SSU72: variants seen among roughly 807,000 people sequenced by gnomAD.
The protein encoded by SSU72 is SSU72 homolog, RNA polymerase II CTD phosphatase, also known as RNA polymerase II subunit A C-terminal domain phosphatase SSU72.
In SSU72, 12 loss-of-function variants were observed where a neutral mutation model predicts 22.7. The ratio of observed to expected loss-of-function variants is 0.53; its 90% CI spans 0.34 to 0.86. SSU72 has a LOEUF of 0.86. Among genes scored for constraint, SSU72 ranks in the 40% least tolerant of loss-of-function variants. The pLI is 0.02. For synonymous variants in SSU72, 116 were observed against 98.3 expected, an observed-to-expected ratio of 1.18 and a Z score of -1.06; for missense variants, 151 against 249.8, an observed-to-expected ratio of 0.60 and a Z score of 2.67.
chr1:1,543,173 G>A (rs531200078), intron 4 of SSU72, among the ~76,000 whole-genome samples: 2 of 152,308 alleles, frequency 1.3e-5, no homozygotes, highest in South Asian at 2.1e-4. Context: ...GGGGTGCCCC[G>A]GCCCCTCTGT....
At chr1:1,546,454 TG>T (rs1319286058) in intron 2 of SSU72, 1 of 152,158 alleles carries the variant, frequency 6.6e-6, no homozygotes, top group East Asian at 1.9e-4. Context: ...GGTCCATCTC[TG>T]GGGAACTTAG....
intron 2 of SSU72, chr1:1,563,729 G>C (rs1436973094): frequency 6.6e-6 from 1 of 152,224 alleles, no homozygotes; most frequent in Non-Finnish European, 1.5e-5. Flanking sequence ...GCGCGTGCCT[G>C]TAATCCCAGC....
At chr1:1,569,235 C>A (rs552954296) in intron 1 of SSU72, among the ~76,000 whole-genome samples, 1 of 151,882 alleles carries the variant, frequency 6.6e-6, no homozygotes, top group Admixed American at 6.6e-5. Context: ...AACAAACAAA[C>A]AAAAAACCTA....
At chr1:1,552,152 C>T (rs116149331) in intron 2 of SSU72, among the ~76,000 whole-genome samples, 2,080 of 149,120 alleles carry the variant, frequency 0.014, 29 homozygotes, top group Non-Finnish European at 0.022. Context: ...ACGCTGGCCG[C>T]GTGGACGCAG....
intron 1 of SSU72, among the ~76,000 whole-genome samples, chr1:1,565,687 C>G (rs12730242): frequency 0.039 from 1,947 of 50,054 alleles, 2 homozygotes; most frequent in African/African-American, 0.19. Flanking sequence ...CTCAGGGTTG[C>G]TGCAGGCAGA....
At position 1,541,821 on chromosome 1, in the gene SSU72, T is replaced by C; in HGVS notation, c.*245A>G. The C allele has an allele frequency of 4.0e-6, 2 of 501,500 alleles. No homozygotes were observed. The highest frequency in any genetic ancestry group is 7.2e-6 in the Non-Finnish European group (2 of 276,314). 31.1% of individuals were successfully genotyped at this position (501,500 alleles called of 1,614,324 possible). A position where few individuals can be genotyped will look rare whatever the true frequency, so the allele number is the denominator to read the frequency against. The stretch of plus-strand genomic sequence containing the variant: ...CGGGAAGTGCACACAAACCGTTGTC[T>C]TTCCTTTTTGGTTAAAGAAGAAAAA... On this transcript the variant is annotated 3_prime_UTR_variant, in exon 5 of 5. Transcript: ENST00000291386.
Position 1,543,973 on chromosome 1 carries a change from C to G in SSU72, c.379G>C (p.Glu127Gln). ...TGCACAGGCTGGCAGGTCTCCTGTTCTCTGGAATTCAGATCTGATTGGGAC... is the reference window on the plus strand; with the variant it reads ...TGCACAGGCTGGCAGGTCTCCTGTTGTCTGGAATTCAGATCTGATTGGGAC... ...DQVVEDLNSR[E>Q]QETCQPVHVV... Residue 127 changes from glutamate (E) to glutamine (Q), a missense_variant, in exon 4 of 5, where the codon GAA (glutamate) becomes CAA (glutamine). Transcript: ENST00000291386. The G allele has an allele frequency of 6.2e-7, 1 of 1,613,570 alleles. No homozygotes were observed. Among genetic ancestry groups the G allele is most frequent in the Non-Finnish European group, 8.5e-7 (1 of 1,179,764 alleles).
At chr1:1,545,559 C>T (rs1642379717) in intron 2 of SSU72, 1 of 153,096 alleles carries the variant, frequency 6.5e-6, no homozygotes, top group African/African-American at 2.4e-5. Flanking sequence ...CCTGTAATCC[C>T]AGCACTTTCG....
chr1:1,549,039 G>A (rs1306897075), intron 2 of SSU72, among the ~76,000 whole-genome samples: 3 of 152,234 alleles, frequency 2.0e-5, no homozygotes, highest in South Asian at 2.1e-4. Flanking sequence ...TCGGGAGGCC[G>A]AGGCAGGAGG....
rs886132556 is a variant in SSU72 at position 1,555,419 on chromosome 1, A to G, written c.224+9354T>C. Among the ~76,000 whole-genome samples, 4 of 152,342 alleles carry G rather than the reference A, an allele frequency of 2.6e-5. No individual in the cohort carries two copies. The East Asian group carries it at 7.7e-4, about 29-fold the overall frequency. On this transcript the variant is annotated intron_variant, in intron 2 of 4. Transcript: ENST00000291386. ...TGACCCAGATGCCAACAGCCTGGGC[A>G]GTGGCACCTCGGCCAAGAAAGGAGG...
At chr1:1,545,172 C>T (rs1320896978) in intron 2 of SSU72, 170 bp from the exon 3 acceptor site, 2 of 711,598 alleles carry the variant, frequency 2.8e-6, no homozygotes, top group Non-Finnish European at 4.7e-6. Context: ...GCCTCACTGT[C>T]CTAGGAGGTC....
At chr1:1,546,857 CAACAAA>C (rs1412707598) in intron 2 of SSU72, among the ~76,000 whole-genome samples, 21 of 66,710 alleles carry the variant, frequency 3.1e-4, no homozygotes, top group East Asian at 1.8e-3. Context: ...ACAACAACAA[CAACAAA>C]AAAAAAAAAA....
chr1:1,571,554 C>T (rs1429836190), intron 1 of SSU72, among the ~76,000 whole-genome samples: 6 of 151,978 alleles, frequency 3.9e-5, no homozygotes, highest in Non-Finnish European at 8.8e-5. Flanking sequence ...TCTTCTGAGT[C>T]TACTCTTTTA....
chr1:1,543,806 C>T (rs145399149), intron 4 of SSU72, 63 bp downstream of exon 4: 10 of 1,345,776 alleles, frequency 7.4e-6, no homozygotes, highest in South Asian at 2.5e-5. Flanking sequence ...CCCTCTGTCA[C>T]GGCCTCGGTC....
chr1:1,550,007 T>C (rs937212429), intron 2 of SSU72, among the ~76,000 whole-genome samples: 9 of 149,054 alleles, frequency 6.0e-5, no homozygotes. Context: ...AAACCCCGTC[T>C]TCTCTACTAA....
In SSU72 at chr1:1,571,126, T is replaced by C. The variant is rs1455785440; in HGVS notation, c.80+3352A>G. Among the ~76,000 whole-genome samples, 3 of 151,656 alleles carry C rather than the reference T, an allele frequency of 2.0e-5. No homozygotes were observed. In the East Asian group the frequency reaches 5.8e-4, roughly 29 times the overall value. On this transcript the variant is annotated intron_variant, in intron 1 of 4. Transcript: ENST00000291386. ...CGGGCGTGGTAGCGGGTGCCTGTAG[T>C]CCCAGTTACTCAGGAGGCTGAGGCA...
At chr1:1,551,773 C>G (rs1642459073) in intron 2 of SSU72, among the ~76,000 whole-genome samples, 1 of 152,256 alleles carries the variant, frequency 6.6e-6, no homozygotes. Flanking sequence ...CATCCTTACG[C>G]CAACGTCACA....
chr1:1,554,351 G>A lies in SSU72; in HGVS notation c.225-9349C>T, dbSNP rs1642494024. ...GCATGAGGCGGATCCGGACCACTCG[G>A]GGGTCCCCACGAAGCTGAGCATGAG... On this transcript the variant is annotated intron_variant, in intron 2 of 4. Transcript: ENST00000291386. This position sits in a 1 kb window ranked among gnomAD's most constrained non-coding sequence, Gnocchi z 4.1. Among the ~76,000 whole-genome samples the A allele has an allele frequency of 6.6e-6, 1 of 151,944 alleles. No homozygotes were observed. The highest frequency in any genetic ancestry group is 1.9e-4 in the East Asian group (1 of 5,158).
intron 1 of SSU72, among the ~76,000 whole-genome samples, chr1:1,570,586 T>C (rs1570401388): frequency 6.6e-6 from 1 of 151,920 alleles, no homozygotes; most frequent in African/African-American, 2.4e-5. Flanking sequence ...CACCCCAAAA[T>C]CGGACTGCCA....
Sources: gnomAD v4.1 joint callset for allele counts (sites outside exome capture counted in the v4.1 genomes callset) on GRCh38, gnomAD v4.1.1 for gene constraint, Gnocchi (gnomAD v3.1) non-coding constraint, MANE v1.5 for transcripts, NCBI Gene and HGNC (gene_info 2026-07-23, HGNC 2026-07-21) for gene names.